Variants in MED4 observed in about 807,000 individuals in gnomAD.
The protein encoded by MED4 is mediator of RNA polymerase II transcription subunit 4.
Under a neutral mutation model 35.0 loss-of-function variants are expected in MED4, and 21 were observed. The ratio of observed to expected loss-of-function variants is 0.60; its 90% CI spans 0.43 to 0.86. MED4 has a LOEUF of 0.86. MED4 is among the 40% of genes least tolerant of loss of function. The pLI is 0.00. For missense variants in MED4, 300 were observed against 319.4 expected (o/e 0.94, Z 0.46); for synonymous variants, 138 against 114.0 (o/e 1.21, Z -1.34).
In MED4 at chr13:48,090,438, A is replaced by G; in HGVS notation, c.126-20T>C. 2 of 1,566,006 alleles carry G rather than the reference A, an allele frequency of 1.3e-6. No homozygotes were observed. Among genetic ancestry groups the G allele is most frequent in the Non-Finnish European group, 1.7e-6 (2 of 1,153,310 alleles). On this transcript the variant is annotated intron_variant, in intron 1 of 6. Coordinates refer to ENST00000258648, the MANE Select transcript of MED4 (RefSeq NM_014166.4). ...AGTTCCCTAAAAAAAAAAAACCAAC[A>G]ACAACAAAAACCCTTTCACAGCATA...
At position 48,082,739 on chromosome 13, in the gene MED4, G is replaced by A. The variant is rs1027300945; in HGVS notation, c.421+632C>T. On this transcript the variant is annotated intron_variant, in intron 4 of 6. Transcript: ENST00000258648. The stretch of plus-strand genomic sequence containing the variant: ...CTACTCGGGAGGCTGAGGCAGGAGA[G>A]TGGCGTGAACCCGGGAGGCGGAGCT... 1.1e-4 allele frequency among the ~76,000 whole-genome samples: 16 copies of A among 151,924 alleles called. No individual in the cohort carries two copies. In the East Asian group the frequency reaches 2.3e-3, roughly 22 times the overall value.
chr13:48,083,364 T>C lies in MED4; in HGVS notation c.421+7A>G, dbSNP rs961378227. ...TTCAGGTCATTCAGTCTTCCCATGA[T>C]ACTAACCTTTTCTTGCTTTTTCTAT... On this transcript the variant is annotated splice_region_variant and intron_variant, in intron 4 of 6. Transcript: ENST00000258648. 11 of 1,611,666 alleles carry C rather than the reference T, an allele frequency of 6.8e-6. No individual in the cohort carries two copies. The highest frequency in any genetic ancestry group is 9.3e-6 in the Non-Finnish European group (11 of 1,178,434).
intron 2 of MED4, among the ~76,000 whole-genome samples, chr13:48,087,628 G>A (rs1319325201): frequency 6.6e-6 from 1 of 151,986 alleles, no homozygotes; most frequent in Non-Finnish European, 1.5e-5. Flanking sequence ...GAGGTAGGCG[G>A]ATCACAAGGT....
intron 5 of MED4, 36 bp downstream of exon 5, chr13:48,081,609 C>A (rs557646679): frequency 1.3e-5 from 19 of 1,447,060 alleles, no homozygotes; most frequent in Non-Finnish European, 1.8e-5. Flanking sequence ...TCTTCAAAAC[C>A]ACATATATCT....
In MED4 at chr13:48,094,950, T is replaced by G. The variant is rs1950918488; in HGVS notation, c.125+4A>C. ...CAGCCCGGCTCTCAGGCTCGCCGCA[T>G]TACCTAGACAGGACCTCCAAGTCCT... On this transcript the variant is annotated splice_donor_region_variant and intron_variant, in intron 1 of 6. Transcript: ENST00000258648. 1 of 1,602,128 alleles carries G rather than the reference T, an allele frequency of 6.2e-7. No homozygotes were observed. Among genetic ancestry groups the G allele is most frequent in the Admixed American group, 1.7e-5 (1 of 59,964 alleles).
chr13:48,082,772 C>A (rs990378458), intron 4 of MED4, among the ~76,000 whole-genome samples: 8 of 151,452 alleles, frequency 5.3e-5, no homozygotes, highest in Non-Finnish European at 7.4e-5. Context: ...GCTTGCAGTG[C>A]GCCGAGATCG....
rs185233617 is a variant in MED4, at chr13:48,082,229, C to T, written c.422-498G>A. ...TGCTAAATAATATGTACGGTATGAC[C>T]CGACTGTTCAAAATGTATGTACATA... On this transcript the variant is annotated intron_variant, in intron 4 of 6. Transcript: ENST00000258648. 1.1e-3 allele frequency among the ~76,000 whole-genome samples: 160 copies of T among 152,034 alleles called. 1 individual carries two copies. Among genetic ancestry groups the T allele is most frequent in the African/African-American group, 2.9e-3 (120 of 41,454 alleles).
chr13:48,086,173 GACTTGGAAA>G, intron 3 of MED4, 100 bp downstream of exon 3: 4 of 1,001,790 alleles, frequency 4.0e-6, no homozygotes, highest in Non-Finnish European at 6.0e-6. Flanking sequence ...ATCACCTTTA[GACTTGGAAA>G]GTCTAGTTTT....
chr13:48,086,775 C>A (rs985208285), intron 2 of MED4, among the ~76,000 whole-genome samples: 1 of 152,170 alleles, frequency 6.6e-6, no homozygotes, highest in African/African-American at 2.4e-5. Context: ...TATGGCTGGG[C>A]ACAGTGACTC....
chr13:48,086,174 A>T, intron 3 of MED4, 108 bp downstream of exon 3: 1 of 1,007,190 alleles, frequency 9.9e-7, no homozygotes, highest in South Asian at 1.6e-5. Flanking sequence ...TCACCTTTAG[A>T]CTTGGAAAGT....
At chr13:48,087,084 G>A (rs1417128911) in intron 2 of MED4, among the ~76,000 whole-genome samples, 2 of 151,718 alleles carry the variant, frequency 1.3e-5, no homozygotes, top group African/African-American at 4.8e-5. Flanking sequence ...ATACAATATA[G>A]GCCAGGCGCG....
At chr13:48,088,598 C>G (rs1950869397) in intron 2 of MED4, among the ~76,000 whole-genome samples, 1 of 152,150 alleles carries the variant, frequency 6.6e-6, no homozygotes, top group Admixed American at 6.5e-5. Flanking sequence ...GAAGTTTACA[C>G]AGGTTGAATT....
intron 1 of MED4, among the ~76,000 whole-genome samples, chr13:48,094,289 G>A (rs1252949628): frequency 2.6e-5 from 4 of 152,138 alleles, no homozygotes; most frequent in Admixed American, 2.0e-4. Flanking sequence ...CCAAGTCAAT[G>A]GGAGGGAGTC....
intron 2 of MED4, 131 bp from the exon 3 acceptor site, chr13:48,086,583 T>C (rs1443645221): frequency 2.7e-6 from 2 of 739,890 alleles, no homozygotes; most frequent in Non-Finnish European, 4.3e-6. Context: ...TCCTAATTCT[T>C]GTTAAGAATA....
Position 48,082,605 on chromosome 13 carries a change from A to G in MED4, c.421+766T>C, listed in dbSNP as rs189714204. Among the ~76,000 whole-genome samples the G allele has an allele frequency of 6.1e-3, 926 of 152,310 alleles. 7 individuals carry two copies. The highest frequency in any genetic ancestry group is 7.9e-3 in the Non-Finnish European group (535 of 68,026). On this transcript the variant is annotated intron_variant, in intron 4 of 6. Transcript: ENST00000258648. ...CACTTTGGGAGGCCGAGGTGGGCAG[A>G]TCACGAGGTCAGGAGATCAAGACCA... is the stretch of plus-strand genomic sequence containing the variant.
At chr13:48,089,348 T>G (rs999410726) in intron 2 of MED4, among the ~76,000 whole-genome samples, 5 of 152,196 alleles carry the variant, frequency 3.3e-5, no homozygotes, top group Admixed American at 1.3e-4. Context: ...AGAACTAAGG[T>G]AATGATGCAG....
intron 3 of MED4, 104 bp downstream of exon 3, chr13:48,086,178 G>T: frequency 9.5e-7 from 1 of 1,053,968 alleles, no homozygotes; most frequent in Non-Finnish European, 1.4e-6. Context: ...CTTTAGACTT[G>T]GAAAGTCTAG....
intron 1 of MED4, 118 bp from the exon 2 acceptor site, chr13:48,090,536 C>G (rs1950883166): frequency 1.5e-6 from 1 of 676,984 alleles, no homozygotes; most frequent in Non-Finnish European, 2.4e-6. Flanking sequence ...TCGCTTGTGC[C>G]GGTTACCAAA....
chr13:48,094,996 T>C lies in MED4; in HGVS notation c.83A>G (p.Glu28Gly). The change falls in exon 1 of 7, where the codon GAG becomes GGG. Residue 28 changes from glutamate to glycine, a missense_variant. By Grantham distance (98) the Glu-to-Gly change is moderately conservative. Transcript: ENST00000258648. Reference sequence around the variant, plus strand: ...GTCCTCAAGCGCAGACAGCAGCCGCTCTCGTGTGCTGTTACCACCCGCCAC... The same window carrying C: ...GTCCTCAAGCGCAGACAGCAGCCGCCCTCGTGTGCTGTTACCACCCGCCAC... ...LGVAGGNSTR[E>G]RLLSALEDLE... 1.9e-6 allele frequency: 3 copies of C among 1,603,962 alleles called. No individual in the cohort carries two copies. Among genetic ancestry groups the C allele is most frequent in the Non-Finnish European group, 2.5e-6 (3 of 1,179,832 alleles).
Sources: allele counts gnomAD v4.1 joint callset (sites outside exome capture counted in the v4.1 genomes callset), GRCh38; gene constraint gnomAD v4.1.1; transcripts MANE v1.5; gene names NCBI Gene and HGNC (gene_info 2026-07-23, HGNC 2026-07-21).